Variants in SMG1 observed in about 807,000 individuals in gnomAD.
The protein encoded by SMG1 is SMG1 nonsense mediated mRNA decay associated PI3K related kinase, also known as serine/threonine-protein kinase SMG1.
A neutral mutation model predicts 419.9 loss-of-function variants in SMG1; 22 were observed. The ratio of observed to expected loss-of-function variants is 0.05; its 90% CI spans 0.04 to 0.07. The LOEUF (loss-of-function observed/expected upper bound fraction) is 0.07, where lower values mean the gene tolerates loss of function less well. SMG1 is among the 10% of genes least tolerant of loss of function. The pLI is 1.00. For synonymous variants in SMG1, 1,538 were observed against 1,553.5 expected, an observed-to-expected ratio of 0.99 and a Z score of 0.23; for missense variants, 3,185 against 4,342.0, an observed-to-expected ratio of 0.73 and a Z score of 7.49.
Position 18,806,984 on chromosome 16 carries a change from T to TG in SMG1, c.*2584dup, listed in dbSNP as rs1320970964. 2.0e-5 allele frequency: 3 copies of TG among 152,254 alleles called. No homozygotes were observed. The highest frequency in any genetic ancestry group is 4.4e-5 in the Non-Finnish European group (3 of 68,054). 9.4% of individuals were successfully genotyped at this position (152,254 alleles called of 1,614,324 possible). On this transcript the variant is annotated 3_prime_UTR_variant, in exon 63 of 63. Transcript: ENST00000446231. ...CAGAGTGCAGTAAGGAGCAGGCTTT[T>TG]GAAGTCATCTATTACATCTGCCTTA...
chr16:18,885,871 A>G (rs1362619499), intron 6 of SMG1, among the ~76,000 whole-genome samples: 1 of 152,070 alleles, frequency 6.6e-6, no homozygotes, highest in Non-Finnish European at 1.5e-5. Context: ...GCTTGAACCC[A>G]GGAGGCAGAG....
intron 33 of SMG1, 95 bp from the exon 34 acceptor site, chr16:18,850,562 T>C (rs1314081920): frequency 1.3e-5 from 9 of 700,600 alleles, no homozygotes; most frequent in Non-Finnish European, 2.0e-5. Context: ...TCTTCTCATA[T>C]ATAAAAGATA....
chr16:18,839,582 A>G, intron 42 of SMG1, 116 bp downstream of exon 42: 1 of 1,361,268 alleles, frequency 7.3e-7, no homozygotes, highest in South Asian at 1.3e-5. Flanking sequence ...TACGTCTCAA[A>G]CTACCAAGTC....
intron 51 of SMG1, among the ~76,000 whole-genome samples, 187 bp downstream of exon 51, chr16:18,832,753 G>T (rs967310358): frequency 1.3e-5 from 2 of 151,896 alleles, no homozygotes; most frequent in Non-Finnish European, 2.9e-5. Context: ...TTTTTTTTAA[G>T]CAACTTCTCG....
At chr16:18,835,382 G>T (rs1053271875) in intron 48 of SMG1, among the ~76,000 whole-genome samples, 8 of 152,226 alleles carry the variant, frequency 5.3e-5, no homozygotes, top group Non-Finnish European at 1.2e-4. Flanking sequence ...GCTCATACCT[G>T]TAATCCTAGC....
Sources: gnomAD v4.1 joint callset for allele counts (sites outside exome capture counted in the v4.1 genomes callset) on GRCh38, gnomAD v4.1.1 for gene constraint, MANE v1.5 for transcripts, NCBI Gene and HGNC (gene_info 2026-07-23, HGNC 2026-07-21) for gene names.